THSD4: variants seen among roughly 807,000 people sequenced by gnomAD.
THSD4 encodes the protein thrombospondin type-1 domain-containing protein 4.
A neutral mutation model predicts 119.0 loss-of-function variants in THSD4; 69 were observed. The observed-to-expected ratio is 0.58, with a 90% CI of 0.48 to 0.71. The LOEUF is 0.71. Ranked by LOEUF, THSD4 falls within the 30% of genes least tolerant of loss-of-function variation. THSD4 has a pLI of 0.00. For missense variants in THSD4, 1,393 were observed against 1,391.1 expected (o/e 1.00, Z -0.02); for synonymous variants, 524 against 540.4 (o/e 0.97, Z 0.42).
upstream of THSD4, chr15:71,111,018 T>A (rs753100230): frequency 5.9e-6 from 6 of 1,012,158 alleles, 1 homozygote; most frequent in Middle Eastern, 3.0e-4. Flanking sequence ...CTGCATGTCC[T>A]AAGGAGAAGC....
chr15:71,499,510 A>C (rs956011214), intron 7 of THSD4, among the ~76,000 whole-genome samples: 2 of 152,014 alleles, frequency 1.3e-5, no homozygotes, highest in Non-Finnish European at 2.9e-5. Flanking sequence ...TAAAAAAAAA[A>C]AAACATAAAA....
chr15:71,529,053 A>C lies in THSD4; in HGVS notation c.1152+117230A>C, dbSNP rs1434907232. On this transcript the variant is annotated intron_variant, in intron 7 of 17. Transcript: ENST00000261862. ...CTTGAAGTTGGATGTAGCCAATGGA[A>C]GATGGGCCAGTCCTGGTGATTCTCC... is the stretch of plus-strand genomic sequence containing the variant. Among the ~76,000 whole-genome samples the C allele has an allele frequency of 2.0e-5, 3 of 152,242 alleles. No individual in the cohort carries two copies. The East Asian group carries it at 5.8e-4, about 29-fold the overall frequency.
At chr15:71,738,045 C>A in intron 11 of THSD4, 38 bp downstream of exon 11, 1 of 1,607,732 alleles carries the variant, frequency 6.2e-7, no homozygotes, top group Non-Finnish European at 8.5e-7. Flanking sequence ...CCCTGCAGAA[C>A]CCTAAGCAAG....
intron 3 of THSD4, among the ~76,000 whole-genome samples, chr15:71,199,522 T>G (rs1384024582): frequency 5.9e-5 from 8 of 135,600 alleles, no homozygotes; most frequent in Non-Finnish European, 9.3e-5. Flanking sequence ...GTGGGGTGTG[T>G]GTGGGGTGTG....
At chr15:71,538,755 C>G (rs553882058) in intron 7 of THSD4, among the ~76,000 whole-genome samples, 49 of 152,326 alleles carry the variant, frequency 3.2e-4, no homozygotes, top group African/African-American at 9.1e-4. Context: ...TTGAGAACCT[C>G]TGCCTTAGAG....
At chr15:71,439,566 A>G (rs1296823727) in intron 7 of THSD4, among the ~76,000 whole-genome samples, 4 of 152,288 alleles carry the variant, frequency 2.6e-5, no homozygotes, top group African/African-American at 9.6e-5. Flanking sequence ...ATGCACATCT[A>G]TGTTTATTGC....
chr15:71,664,307 TA>T (rs58575911), intron 8 of THSD4, among the ~76,000 whole-genome samples: 110 of 150,782 alleles, frequency 7.3e-4, no homozygotes, highest in Admixed American at 7.3e-4. Context: ...TTTACAACTT[TA>T]TTTTTTTTTA....
intron 7 of THSD4, among the ~76,000 whole-genome samples, chr15:71,556,764 TA>T (rs61509514): frequency 2.6e-3 from 360 of 138,488 alleles, no homozygotes; most frequent in Middle Eastern, 3.8e-3. Context: ...GACCCTGTCT[TA>T]AAAAAAAAAA....
At chr15:71,125,909 G>A (rs566890274) in intron 1 of THSD4, among the ~76,000 whole-genome samples, 31 of 152,324 alleles carry the variant, frequency 2.0e-4, no homozygotes, top group Admixed American at 5.9e-4. Flanking sequence ...GGGTGGTGGC[G>A]CACAGCCACA....
At chr15:71,599,707 G>C (rs1422582418) in intron 7 of THSD4, among the ~76,000 whole-genome samples, 1 of 152,340 alleles carries the variant, frequency 6.6e-6, no homozygotes, top group African/African-American at 2.4e-5. Flanking sequence ...ATTAAGAGCT[G>C]TTCCCTTCTG....
At chr15:71,340,792 G>C (rs1290202574) in intron 6 of THSD4, among the ~76,000 whole-genome samples, 1 of 152,026 alleles carries the variant, frequency 6.6e-6, no homozygotes, top group Non-Finnish European at 1.5e-5. Flanking sequence ...TAGAGACAGA[G>C]TTTCGTCATG....
chr15:71,264,046 ACTC>A (rs1340780950), intron 6 of THSD4, among the ~76,000 whole-genome samples: 30 of 152,170 alleles, frequency 2.0e-4, no homozygotes, highest in African/African-American at 5.3e-4. Context: ...CGTGCTTCTG[ACTC>A]CTCCACCAAT....
Position 71,779,145 on chromosome 15 carries a change from C to T in THSD4, c.*1771C>T, listed in dbSNP as rs1349037151. 6.6e-6 allele frequency: 1 copy of T among 152,170 alleles called. No individual in the cohort carries two copies. The highest frequency in any genetic ancestry group is 1.5e-5 in the Non-Finnish European group (1 of 68,048). The allele number at this position is 152,170 out of a possible 1,614,324, so 9.4% of individuals were successfully genotyped here. A position where few individuals can be genotyped will look rare whatever the true frequency, so the allele number is the denominator to read the frequency against. ...TGGGGCTTTCAGAAATTCTATTTGG[C>T]CTTTCTGTGGGTAGCTTTCCAGCTT... is the stretch of plus-strand genomic sequence containing the variant. On this transcript the variant is annotated 3_prime_UTR_variant, in exon 18 of 18. Coordinates refer to ENST00000261862, the MANE Select transcript of THSD4 (RefSeq NM_024817.3).
chr15:71,693,452 G>A (rs1261489232), intron 8 of THSD4, among the ~76,000 whole-genome samples: 10 of 152,310 alleles, frequency 6.6e-5, no homozygotes, highest in Middle Eastern at 3.4e-3. Flanking sequence ...TTCAAGACCA[G>A]CTTGGTCCAC....
intron 6 of THSD4, among the ~76,000 whole-genome samples, chr15:71,367,230 AT>A (rs113981534): frequency 0.29 from 41,240 of 144,682 alleles, 6,170 homozygotes; most frequent in East Asian, 0.54. Flanking sequence ...TTTTTTTTTT[AT>A]TTTAAAAAAA....
At chr15:71,764,653 G>A (rs1391218400) in intron 15 of THSD4, among the ~76,000 whole-genome samples, 1 of 152,220 alleles carries the variant, frequency 6.6e-6, no homozygotes, top group Non-Finnish European at 1.5e-5. Flanking sequence ...TCATTGTCTT[G>A]CCTCCTGTGA....
chr15:71,634,138 G>T (rs2050690490), intron 7 of THSD4, among the ~76,000 whole-genome samples: 1 of 149,240 alleles, frequency 6.7e-6, no homozygotes, highest in South Asian at 2.1e-4. Context: ...AGTGAGCCGA[G>T]ATCGCACCAT....
At chr15:71,558,851 G>T (rs776529465) in intron 7 of THSD4, among the ~76,000 whole-genome samples, 13 of 152,052 alleles carry the variant, frequency 8.5e-5, no homozygotes, top group Non-Finnish European at 1.6e-4. Flanking sequence ...TTTAAGTATG[G>T]AGGGTTTCGG....
At chr15:71,459,183 G>C (rs2047383734) in intron 7 of THSD4, among the ~76,000 whole-genome samples, 1 of 117,232 alleles carries the variant, frequency 8.5e-6, no homozygotes, top group African/African-American at 3.5e-5. Context: ...TTTTTTGACA[G>C]AGTCTCCCTC....
Sources: allele counts gnomAD v4.1 joint callset (sites outside exome capture counted in the v4.1 genomes callset), GRCh38; gene constraint gnomAD v4.1.1; transcripts MANE v1.5; gene names NCBI Gene and HGNC (gene_info 2026-07-23, HGNC 2026-07-21).